The following VWC2L variants were observed in gnomAD, a reference collection of about 807,000 sequenced individuals.
The protein encoded by VWC2L is von Willebrand factor C domain-containing protein 2-like.
In VWC2L, 10 loss-of-function variants were observed where a neutral mutation model predicts 21.6. The ratio of observed to expected loss-of-function variants is 0.46; its 90% CI spans 0.29 to 0.78. VWC2L has a LOEUF of 0.78. Ranked by LOEUF, VWC2L falls within the 30% of genes least tolerant of loss-of-function variation. The pLI is 0.10. For synonymous variants in VWC2L, 96 were observed against 94.3 expected, an observed-to-expected ratio of 1.02 and a Z score of -0.10; for missense variants, 209 against 277.1, an observed-to-expected ratio of 0.75 and a Z score of 1.74.
chr2:214,548,062 G>A (rs932539571), intron 3 of VWC2L, among the ~76,000 whole-genome samples: 1 of 152,142 alleles, frequency 6.6e-6, no homozygotes. Context: ...TTCTTCCGGT[G>A]TCTTCTCAAT....
intron 2 of VWC2L, among the ~76,000 whole-genome samples, chr2:214,425,072 G>A (rs1207355026): frequency 6.6e-6 from 1 of 152,134 alleles, no homozygotes; most frequent in Non-Finnish European, 1.5e-5. Flanking sequence ...CTTACATATT[G>A]TCTATGGTTG....
At chr2:214,478,241 G>A (rs1366637318) in intron 3 of VWC2L, among the ~76,000 whole-genome samples, 2 of 152,068 alleles carry the variant, frequency 1.3e-5, no homozygotes, top group Admixed American at 6.6e-5. Context: ...TCTGTTGGGA[G>A]GCCGAGGCAG....
At chr2:214,451,315 G>GT (rs1056042777) in intron 3 of VWC2L, among the ~76,000 whole-genome samples, 1 of 148,192 alleles carries the variant, frequency 6.7e-6, no homozygotes, top group Non-Finnish European at 1.5e-5. Context: ...GTGTGGGGGG[G>GT]GGGGGCAGTA....
chr2:214,461,357 C>T (rs1703137450), intron 3 of VWC2L, among the ~76,000 whole-genome samples: 1 of 152,118 alleles, frequency 6.6e-6, no homozygotes, highest in Non-Finnish European at 1.5e-5. Flanking sequence ...GATAAAACAA[C>T]CCTCAAGTTC....
intron 3 of VWC2L, among the ~76,000 whole-genome samples, chr2:214,557,206 T>C (rs1315214662): frequency 6.6e-6 from 1 of 152,150 alleles, no homozygotes; most frequent in Non-Finnish European, 1.5e-5. Context: ...CAGTTCCACA[T>C]GGCTGGGGAG....
At chr2:214,509,974 TA>T (rs1689028592) in intron 3 of VWC2L, among the ~76,000 whole-genome samples, 1 of 152,240 alleles carries the variant, frequency 6.6e-6, no homozygotes, top group South Asian at 2.1e-4. Flanking sequence ...ATTGGCTAAA[TA>T]TACTTTATCA....
intron 3 of VWC2L, among the ~76,000 whole-genome samples, chr2:214,456,296 C>T (rs1703054396): frequency 6.6e-6 from 1 of 152,008 alleles, no homozygotes; most frequent in African/African-American, 2.4e-5. Flanking sequence ...ATTAGTGATG[C>T]TGATCATTTT....
chr2:214,557,047 G>C (rs1272672483), intron 3 of VWC2L, among the ~76,000 whole-genome samples: 1 of 152,184 alleles, frequency 6.6e-6, no homozygotes, highest in Non-Finnish European at 1.5e-5. Context: ...GTTGGGGAGA[G>C]AGTGGGAGTA....
In VWC2L at chr2:214,576,346, G is replaced by A. The variant is rs942541203; in HGVS notation, c.*526G>A. 1.3e-5 allele frequency: 2 copies of A among 152,144 alleles called. No homozygotes were observed. Among genetic ancestry groups the A allele is most frequent in the Non-Finnish European group, 2.9e-5 (2 of 68,078 alleles). 9.4% of individuals were successfully genotyped at this position (152,144 alleles called of 1,614,324 possible). ...ATCTTTCCCGAGCTGGGAAACACAA[G>A]AGCATCCAGTCAATTGCTCCCCTAG... On this transcript the variant is annotated 3_prime_UTR_variant, in exon 4 of 4. Coordinates refer to ENST00000312504, the MANE Select transcript of VWC2L (RefSeq NM_001080500.4).
At chr2:214,575,031 C>CT (rs1320950441) in intron 3 of VWC2L, among the ~76,000 whole-genome samples, 1 of 92,276 alleles carries the variant, frequency 1.1e-5, no homozygotes, top group Non-Finnish European at 2.0e-5. Flanking sequence ...TTGGGTCATT[C>CT]TTTAAAAAAA....
At chr2:214,560,375 T>G (rs933170686) in intron 3 of VWC2L, among the ~76,000 whole-genome samples, 2 of 152,108 alleles carry the variant, frequency 1.3e-5, no homozygotes, top group African/African-American at 4.8e-5. Flanking sequence ...TGTGGGTGGG[T>G]GGGCGTGTCT....
intron 3 of VWC2L, among the ~76,000 whole-genome samples, chr2:214,568,653 C>T (rs1690104755): frequency 6.6e-6 from 1 of 152,152 alleles, no homozygotes; most frequent in South Asian, 2.1e-4. Context: ...ATCACAAGAA[C>T]AGCACAGGAA....
At chr2:214,476,181 C>A (rs771149817) in intron 3 of VWC2L, among the ~76,000 whole-genome samples, 1 of 151,904 alleles carries the variant, frequency 6.6e-6, no homozygotes, top group Non-Finnish European at 1.5e-5. Flanking sequence ...CAATAGGTAC[C>A]ATCTTTCTAG....
chr2:214,542,602 C>T (rs554479713), intron 3 of VWC2L, among the ~76,000 whole-genome samples: 35 of 152,304 alleles, frequency 2.3e-4, no homozygotes, highest in Non-Finnish European at 4.0e-4. Flanking sequence ...CTGTCCACCA[C>T]GCAGTGACGG....
intron 3 of VWC2L, among the ~76,000 whole-genome samples, chr2:214,558,813 GT>G (rs67900409): frequency 0.012 from 1,733 of 144,046 alleles, 21 homozygotes; most frequent in African/African-American, 0.034. Flanking sequence ...CTATAGTTTT[GT>G]TTTTTTTTTT....
At chr2:214,428,083 G>T (rs1371062374) in intron 2 of VWC2L, among the ~76,000 whole-genome samples, 2 of 152,146 alleles carry the variant, frequency 1.3e-5, no homozygotes, top group African/African-American at 4.8e-5. Flanking sequence ...CTCCCTTGAG[G>T]AATACACAGC....
chr2:214,560,452 G>T (rs1689949069), intron 3 of VWC2L, among the ~76,000 whole-genome samples: 2 of 152,132 alleles, frequency 1.3e-5, no homozygotes, highest in African/African-American at 4.8e-5. Context: ...CCCTGAGTGA[G>T]AACATGACTT....
At chr2:214,420,734 A>T (rs1350869421) in intron 2 of VWC2L, among the ~76,000 whole-genome samples, 1 of 152,192 alleles carries the variant, frequency 6.6e-6, no homozygotes, top group Non-Finnish European at 1.5e-5. Context: ...CCCAAGAAAG[A>T]ACTAGAAAGC....
At chr2:214,502,673 ATTG>A (rs912901900) in intron 3 of VWC2L, among the ~76,000 whole-genome samples, 2 of 152,280 alleles carry the variant, frequency 1.3e-5, no homozygotes, top group South Asian at 2.1e-4. Flanking sequence ...ATGACGTAAA[ATTG>A]TTGTTTTTAT....
Sources: gnomAD v4.1 joint callset for allele counts (sites outside exome capture counted in the v4.1 genomes callset) on GRCh38, gnomAD v4.1.1 for gene constraint, MANE v1.5 for transcripts, NCBI Gene and HGNC (gene_info 2026-07-23, HGNC 2026-07-21) for gene names.